Variants in USP48 observed in about 807,000 individuals in gnomAD.
The protein encoded by USP48 is ubiquitin specific peptidase 48, also known as ubiquitin carboxyl-terminal hydrolase 48.
USP48 carries 43 observed loss-of-function variants against 150.7 expected under a neutral mutation model. The ratio of observed to expected loss-of-function variants is 0.29; its 90% confidence interval spans 0.22 to 0.37. The LOEUF is 0.37. Ranked by LOEUF, USP48 falls within the 10% of genes least tolerant of loss-of-function variation. USP48 has a pLI of 1.00. For synonymous variants in USP48, 396 were observed against 425.9 expected, an observed-to-expected ratio of 0.93 and a Z score of 0.86; for missense variants, 813 against 1,249.6, an observed-to-expected ratio of 0.65 and a Z score of 5.27.
In USP48 at chr1:21,750,744, T is replaced by C. The variant is rs142469204; in HGVS notation, c.774+763A>G. On this transcript the variant is annotated intron_variant, in intron 6 of 26. Transcript: ENST00000308271. ...ACACACAAAAAAAATTAGCCAGGTA[T>C]GGTGGCCCGCGCCTATAATCCCAGC... is the stretch of plus-strand genomic sequence containing the variant. Among the ~76,000 whole-genome samples the C allele has an allele frequency of 3.7e-3, 558 of 152,110 alleles. 5 individuals are homozygous for C. The highest frequency in any genetic ancestry group is 0.013 in the African/African-American group (538 of 41,474).
intron 1 of USP48, among the ~76,000 whole-genome samples, chr1:21,765,336 C>T (rs930152199): frequency 6.6e-6 from 1 of 152,118 alleles, no homozygotes; most frequent in African/African-American, 2.4e-5. Context: ...ACAGACCGGG[C>T]GGGGTGTGGT....
chr1:21,776,554 T>C (rs1476417637), intron 1 of USP48, among the ~76,000 whole-genome samples: 1 of 126,544 alleles, frequency 7.9e-6, no homozygotes, highest in Non-Finnish European at 1.6e-5. Flanking sequence ...CAAGACTCTG[T>C]CTCTATAAAA....
rs745332518 is a variant in USP48 at position 21,752,576 on chromosome 1, G to A, written c.616C>T (p.Arg206Cys). ...TLSKQKNPDV[R>C]NIVQQQFCGE... is the part of the protein sequence containing the mutation. The stretch of plus-strand genomic sequence containing the variant: ...CAGAACTGCTGTTGAACAATATTGC[G>A]CACATCTGGATTCTTTTGTTTAGAC... Residue 206 changes from arginine (R) to cysteine (C), a missense_variant, in exon 5 of 27, where the codon CGC becomes TGC. Coordinates refer to ENST00000308271, the MANE Select transcript of USP48 (RefSeq NM_032236.8). 4.3e-6 allele frequency: 7 copies of A among 1,613,080 alleles called. No individual in the cohort carries two copies. The highest frequency in any genetic ancestry group is 4.0e-5 in the African/African-American group (3 of 74,850).
At chr1:21,779,056 C>G (rs961948868) in intron 1 of USP48, among the ~76,000 whole-genome samples, 3 of 151,934 alleles carry the variant, frequency 2.0e-5, no homozygotes, top group Non-Finnish European at 4.4e-5. Context: ...GCTGAGGTTA[C>G]AGGCGTGAGC....
intron 9 of USP48, among the ~76,000 whole-genome samples, chr1:21,735,708 G>A (rs2097767277): frequency 6.6e-6 from 1 of 152,180 alleles, no homozygotes; most frequent in Non-Finnish European, 1.5e-5. Flanking sequence ...GACCAACATT[G>A]TGAAACCTTG....
chr1:21,767,158 TC>T (rs2097864163), intron 1 of USP48, among the ~76,000 whole-genome samples: 1 of 152,138 alleles, frequency 6.6e-6, no homozygotes, highest in Admixed American at 6.6e-5. Flanking sequence ...CAGGTGATCT[TC>T]CCACCTCAGC....
intron 21 of USP48, among the ~76,000 whole-genome samples, chr1:21,702,442 C>T (rs1028175508): frequency 6.6e-6 from 1 of 151,962 alleles, no homozygotes; most frequent in East Asian, 1.9e-4. Context: ...CAAGTATTAA[C>T]ACCTCCACTT....
chr1:21,701,554 C>A lies in USP48; in HGVS notation c.2671G>T (p.Glu891Ter). The change falls in exon 22 of 27, where the codon GAG becomes TAG. Residue 891 changes from glutamate (E) to a stop codon, truncating the protein, a stop_gained. Transcript: ENST00000308271. LOFTEE classifies it high-confidence loss of function. The stretch of plus-strand genomic sequence containing the variant: ...GGTTTAGCTTCTTCCTTGTCCTCCT[C>A]TGTTTCAGAACTACTCACATTCAGT... ...PELNVSSSET[E>*]EDKEEAKPDG... 1 of 1,614,004 alleles carries A rather than the reference C, an allele frequency of 6.2e-7. No individual in the cohort carries two copies. The highest frequency in any genetic ancestry group is 8.5e-7 in the Non-Finnish European group (1 of 1,179,936).
intron 1 of USP48, among the ~76,000 whole-genome samples, chr1:21,763,180 GC>G (rs1177852992): frequency 6.6e-6 from 1 of 152,112 alleles, no homozygotes; most frequent in African/African-American, 2.4e-5. Context: ...GTATTATTAG[GC>G]CCCACAACAC....
chr1:21,757,583 T>C (rs1303980172), intron 2 of USP48, 80 bp downstream of exon 2: 1 of 1,490,924 alleles, frequency 6.7e-7, no homozygotes, highest in Non-Finnish European at 9.0e-7. Flanking sequence ...AGTAGAGTTT[T>C]CTGATCACAG....
intron 1 of USP48, among the ~76,000 whole-genome samples, chr1:21,767,661 C>G (rs2097865576): frequency 1.3e-5 from 2 of 150,062 alleles, no homozygotes; most frequent in Admixed American, 1.3e-4. Flanking sequence ...TTTCTAGAGA[C>G]AGGGTCTCAC....
chr1:21,708,902 A>G (rs1175217309), intron 15 of USP48, among the ~76,000 whole-genome samples: 19 of 112,608 alleles, frequency 1.7e-4, no homozygotes, highest in Admixed American at 6.7e-4. Flanking sequence ...AAAAAAAAAA[A>G]GAAAGAAAAG....
At chr1:21,760,221 G>A (rs2152614577) in intron 1 of USP48, among the ~76,000 whole-genome samples, 1 of 152,278 alleles carries the variant, frequency 6.6e-6, no homozygotes, top group East Asian at 1.9e-4. Flanking sequence ...CAGATTAAAG[G>A]AAACCAAAGA....
intron 14 of USP48, among the ~76,000 whole-genome samples, chr1:21,717,732 C>A (rs997591180): frequency 6.6e-6 from 1 of 152,068 alleles, no homozygotes; most frequent in Admixed American, 6.6e-5. Flanking sequence ...CTGAGGTGGG[C>A]AGATTAAGGT....
intron 22 of USP48, among the ~76,000 whole-genome samples, chr1:21,697,430 A>G (rs1328434396): frequency 1.1e-4 from 16 of 152,250 alleles, no homozygotes; most frequent in South Asian, 1.0e-3. Context: ...TTGGGAGGCC[A>G]AGGTGGGCGG....
chr1:21,711,077 C>T (rs1015332337), intron 15 of USP48, among the ~76,000 whole-genome samples: 2 of 151,920 alleles, frequency 1.3e-5, no homozygotes, highest in Non-Finnish European at 2.9e-5. Flanking sequence ...TGAACCACCA[C>T]ACCAAAGGAA....
chr1:21,733,860 T>C (rs1455786713), intron 9 of USP48, among the ~76,000 whole-genome samples: 1 of 152,036 alleles, frequency 6.6e-6, no homozygotes, highest in Non-Finnish European at 1.5e-5. Context: ...GGTGCAATCA[T>C]GGCTCACTGA....
intron 15 of USP48, among the ~76,000 whole-genome samples, chr1:21,710,752 A>G (rs2097687936): frequency 6.6e-6 from 1 of 151,956 alleles, no homozygotes; most frequent in Admixed American, 6.6e-5. Flanking sequence ...TTAAAACTGC[A>G]TTTACTTTAA....
intron 26 of USP48, 110 bp downstream of exon 26, chr1:21,680,698 T>G: frequency 7.5e-6 from 8 of 1,060,404 alleles, no homozygotes; most frequent in African/African-American, 3.4e-5. Flanking sequence ...ATTTCAGTCA[T>G]GAGACTCAGA....
Sources: allele counts gnomAD v4.1 joint callset (sites outside exome capture counted in the v4.1 genomes callset), GRCh38; gene constraint gnomAD v4.1.1; transcripts MANE v1.5; gene names NCBI Gene and HGNC (gene_info 2026-07-23, HGNC 2026-07-21).